The following XKR9 variants were observed in gnomAD, a reference collection of about 807,000 sequenced individuals.
XKR9 encodes XK related 9, also known as XK-related protein 9.
Under a neutral mutation model 32.0 loss-of-function variants are expected in XKR9, and 32 were observed. The ratio of observed to expected loss-of-function variants is 1.00; its 90% confidence interval spans 0.76 to 1.34. XKR9 has a LOEUF of 1.34. XKR9 is among the 40% of genes most tolerant of loss of function. The pLI is 0.00. For missense variants in XKR9, 546 were observed against 429.7 expected (o/e 1.27, Z -2.39); for synonymous variants, 168 against 143.4 (o/e 1.17, Z -1.22).
the XKR9 span, among the ~76,000 whole-genome samples, chr8:70,978,853 G>C: frequency 6.6e-6 from 1 of 151,982 alleles, no homozygotes; most frequent in Admixed American, 6.6e-5. Flanking sequence ...TCCATTCTCC[G>C]CGTCACTTTC....
intron 2 of XKR9, among the ~76,000 whole-genome samples, chr8:70,748,025 G>A (rs1430895516): frequency 6.6e-6 from 1 of 152,114 alleles, no homozygotes; most frequent in Non-Finnish European, 1.5e-5. Flanking sequence ...AGTATTTTTT[G>A]AACTTGATTT....
the XKR9 span, among the ~76,000 whole-genome samples, chr8:70,910,425 T>C: frequency 1.3e-5 from 2 of 152,196 alleles, no homozygotes; most frequent in East Asian, 1.9e-4. Context: ...TTTCCTAGTA[T>C]GTAAAATGAG....
chr8:70,789,788 T>C (rs1187348534), intron 3 of XKR9, among the ~76,000 whole-genome samples: 1 of 152,084 alleles, frequency 6.6e-6, no homozygotes, highest in Non-Finnish European at 1.5e-5. Context: ...GGTTCAGGTT[T>C]AAGTAATTAC....
the XKR9 span, among the ~76,000 whole-genome samples, chr8:70,800,321 TC>T: frequency 6.6e-6 from 1 of 152,102 alleles, no homozygotes; most frequent in Non-Finnish European, 1.5e-5. Flanking sequence ...CCTAAAGTTT[TC>T]TTTTTTTTTG....
At chr8:70,975,768 A>G in the XKR9 span, among the ~76,000 whole-genome samples, 1 of 152,112 alleles carries the variant, frequency 6.6e-6, no homozygotes, top group African/African-American at 2.4e-5. Context: ...GTTTTTTCCA[A>G]TTCTGTGAAG....
At chr8:70,760,207 G>A (rs1014885605) in intron 2 of XKR9, among the ~76,000 whole-genome samples, 4 of 151,914 alleles carry the variant, frequency 2.6e-5, no homozygotes, top group South Asian at 2.1e-4. Flanking sequence ...CAGTTTACTC[G>A]TAAGTAAGAA....
the XKR9 span, among the ~76,000 whole-genome samples, chr8:70,797,812 T>C: frequency 6.6e-6 from 1 of 152,166 alleles, no homozygotes; most frequent in African/African-American, 2.4e-5. Context: ...GTATTTGGTT[T>C]TGTGTTTCTA....
chr8:70,886,007 A>C, the XKR9 span, among the ~76,000 whole-genome samples: 2 of 152,268 alleles, frequency 1.3e-5, no homozygotes, highest in Admixed American at 1.3e-4. Context: ...CATCACCGAC[A>C]TTAGGTATTT....
chr8:70,978,101 A>G, the XKR9 span, among the ~76,000 whole-genome samples: 2 of 152,042 alleles, frequency 1.3e-5, no homozygotes. Context: ...ATCTTCCTCC[A>G]TCCCTTTATT....
At chr8:70,753,036 G>A (rs1254299875) in intron 2 of XKR9, among the ~76,000 whole-genome samples, 5 of 140,814 alleles carry the variant, frequency 3.6e-5, no homozygotes, top group Non-Finnish European at 6.5e-5. Flanking sequence ...TAATAAAGAA[G>A]AAGAGAGAAG....
At chr8:70,726,900 G>A (rs1806488278) in intron 4 of XKR9, among the ~76,000 whole-genome samples, 1 of 152,096 alleles carries the variant, frequency 6.6e-6, no homozygotes, top group Admixed American at 6.6e-5. Context: ...ATCAAACAAA[G>A]GCAATTTTGT....
At chr8:70,896,963 C>T in the XKR9 span, among the ~76,000 whole-genome samples, 2 of 151,992 alleles carry the variant, frequency 1.3e-5, no homozygotes, top group African/African-American at 4.8e-5. Flanking sequence ...CGAGCAAATA[C>T]TAAATCTTAT....
At chr8:70,979,444 T>C in the XKR9 span, among the ~76,000 whole-genome samples, 2 of 152,210 alleles carry the variant, frequency 1.3e-5, no homozygotes, top group African/African-American at 4.8e-5. Context: ...TTTTTGTTGA[T>C]GTTTATGCCG....
At chr8:70,732,117 G>A (rs1464870482) in intron 4 of XKR9, among the ~76,000 whole-genome samples, 1 of 152,168 alleles carries the variant, frequency 6.6e-6, no homozygotes, top group African/African-American at 2.4e-5. Flanking sequence ...CCCCGAAGGA[G>A]CTGAACTGAG....
chr8:71,007,957 G>T, the XKR9 span, among the ~76,000 whole-genome samples: 2 of 151,868 alleles, frequency 1.3e-5, no homozygotes. Context: ...CATTTATTTA[G>T]AATAAATGGT....
chr8:70,992,022 A>G, the XKR9 span, among the ~76,000 whole-genome samples: 27 of 152,210 alleles, frequency 1.8e-4, no homozygotes, highest in Non-Finnish European at 3.7e-4. Flanking sequence ...GATAATCCTT[A>G]GTTCCTCAGT....
chr8:70,800,993 T>C, the XKR9 span, among the ~76,000 whole-genome samples: 1 of 151,834 alleles, frequency 6.6e-6, no homozygotes, highest in African/African-American at 2.4e-5. Context: ...TTTTTTTTTT[T>C]TTTTTGTATT....
chr8:70,999,146 A>G, the XKR9 span, among the ~76,000 whole-genome samples: 11 of 152,324 alleles, frequency 7.2e-5, no homozygotes, highest in South Asian at 2.1e-3. Flanking sequence ...GAATATTAAT[A>G]TATTAGTATA....
chr8:70,955,758 C>CAGTGGCAAGGGATGTGTGA, the XKR9 span, among the ~76,000 whole-genome samples: 1 of 152,178 alleles, frequency 6.6e-6, no homozygotes, highest in Non-Finnish European at 1.5e-5. Context: ...GCCAGGTGTG[C>CAGTGGCAAGGGATGTGTGA]AGTGGCAAGG....
Sources: allele counts gnomAD v4.1 joint callset (sites outside exome capture counted in the v4.1 genomes callset), GRCh38; gene constraint gnomAD v4.1.1; transcripts MANE v1.5; gene names NCBI Gene and HGNC (gene_info 2026-07-23, HGNC 2026-07-21).